Variants in CNTN4 observed in about 807,000 individuals in gnomAD.
CNTN4 encodes contactin-4.
A neutral mutation model predicts 122.5 loss-of-function variants in CNTN4; 77 were observed. The observed-to-expected ratio is 0.63, with a 90% CI of 0.52 to 0.76. The LOEUF (loss-of-function observed/expected upper bound fraction) is 0.76, where lower values mean the gene tolerates loss of function less well. CNTN4 is among the 30% of genes least tolerant of loss of function. CNTN4 has a pLI of 0.00. For missense variants in CNTN4, 1,256 were observed against 1,259.1 expected (o/e 1.00, Z 0.04); for synonymous variants, 512 against 447.0 (o/e 1.15, Z -1.83).
intron 2 of CNTN4, among the ~76,000 whole-genome samples, chr3:2,225,867 G>C (rs757858032): frequency 6.6e-6 from 1 of 152,166 alleles, no homozygotes; most frequent in East Asian, 1.9e-4. Flanking sequence ...CCTTTTAGGG[G>C]ATAGAGTGAC....
intron 12 of CNTN4, among the ~76,000 whole-genome samples, chr3:2,924,108 G>C (rs1053121284): frequency 6.6e-6 from 1 of 151,652 alleles, no homozygotes; most frequent in African/African-American, 2.4e-5. Flanking sequence ...CTTCGCATGA[G>C]AATACCAGCC....
At position 2,733,541 on chromosome 3, in the gene CNTN4, T is replaced by G. The variant is rs6782064; in HGVS notation, c.56-2674T>G. ...TAAAGTGCATGTTTGTGTTTTTTTT[T>G]TTTTTTTTTTGAGACAGAGTCTCAC... On this transcript the variant is annotated intron_variant, in intron 4 of 24. Coordinates refer to ENST00000418658, the MANE Select transcript of CNTN4 (RefSeq NM_175607.3). Among the ~76,000 whole-genome samples, 28 of 145,806 alleles carry G rather than the reference T, an allele frequency of 1.9e-4. 2 individuals carry two copies. Among genetic ancestry groups the G allele is most frequent in the Middle Eastern group, 7.1e-3 (2 of 282 alleles).
intron 2 of CNTN4, among the ~76,000 whole-genome samples, chr3:2,236,862 G>C (rs1175440139): frequency 6.6e-6 from 1 of 152,190 alleles, no homozygotes; most frequent in African/African-American, 2.4e-5. Flanking sequence ...CACATATCAA[G>C]TAGGGAGATA....
At chr3:2,872,024 G>T (rs1022158743) in intron 8 of CNTN4, among the ~76,000 whole-genome samples, 19 of 152,214 alleles carry the variant, frequency 1.2e-4, no homozygotes, top group Admixed American at 2.0e-4. Context: ...AATACATCAT[G>T]GTTATTATTA....
intron 3 of CNTN4, among the ~76,000 whole-genome samples, chr3:2,359,159 G>C (rs2045005217): frequency 6.6e-6 from 1 of 152,126 alleles, no homozygotes; most frequent in Non-Finnish European, 1.5e-5. Context: ...TGATAAAATG[G>C]TAACTTTGTA....
At chr3:2,672,491 G>A (rs112239416) in intron 4 of CNTN4, among the ~76,000 whole-genome samples, 11,157 of 152,198 alleles carry the variant, frequency 0.073, 575 homozygotes, top group African/African-American at 0.14. Flanking sequence ...GGAGTGACCC[G>A]ATTTTCCAGG....
At chr3:3,026,420 T>C (rs1440395450) in intron 15 of CNTN4, 143 bp downstream of exon 15, 1 of 735,458 alleles carries the variant, frequency 1.4e-6, no homozygotes, top group Non-Finnish European at 2.4e-6. Flanking sequence ...TTTTGCACAA[T>C]AAATGTGGCA....
intron 14 of CNTN4, among the ~76,000 whole-genome samples, chr3:3,019,795 T>C (rs781122211): frequency 0.067 from 7,976 of 118,218 alleles, 400 homozygotes; most frequent in Admixed American, 0.11. Flanking sequence ...TATATATATA[T>C]ATACACATGC....
intron 7 of CNTN4, among the ~76,000 whole-genome samples, chr3:2,836,763 T>G (rs2093234037): frequency 7.8e-6 from 1 of 128,590 alleles, no homozygotes; most frequent in Non-Finnish European, 1.6e-5. Context: ...AAAAAGATAC[T>G]TCTGGGGTGG....
chr3:3,029,702 T>C (rs1004084043), intron 15 of CNTN4, among the ~76,000 whole-genome samples: 1 of 152,206 alleles, frequency 6.6e-6, no homozygotes, highest in African/African-American at 2.4e-5. Context: ...ATCCTGGCTC[T>C]GCCATTTTCT....
intron 2 of CNTN4, among the ~76,000 whole-genome samples, chr3:2,288,744 A>C (rs1241206587): frequency 6.6e-6 from 1 of 152,212 alleles, no homozygotes; most frequent in Non-Finnish European, 1.5e-5. Context: ...TAAGAAGAAT[A>C]TGAATCTGGA....
At chr3:2,459,574 C>T (rs1032134503) in intron 3 of CNTN4, among the ~76,000 whole-genome samples, 1 of 151,994 alleles carries the variant, frequency 6.6e-6, no homozygotes, top group Non-Finnish European at 1.5e-5. Context: ...CGTGATATGG[C>T]CAGTTAGACT....
chr3:2,790,363 T>G (rs2091971237), intron 6 of CNTN4, among the ~76,000 whole-genome samples: 1 of 152,214 alleles, frequency 6.6e-6, no homozygotes, highest in Non-Finnish European at 1.5e-5. Context: ...GCTTGCTGCC[T>G]TCCATCAGGT....
chr3:2,436,818 A>T (rs1195001672), intron 3 of CNTN4, among the ~76,000 whole-genome samples: 1 of 149,744 alleles, frequency 6.7e-6, no homozygotes, highest in African/African-American at 2.4e-5. Context: ...TATGAAATAT[A>T]TGTATATATT....
At chr3:2,630,814 A>G (rs1046992617) in intron 4 of CNTN4, among the ~76,000 whole-genome samples, 2 of 152,134 alleles carry the variant, frequency 1.3e-5, no homozygotes, top group South Asian at 2.1e-4. Context: ...ATTTAAAATT[A>G]TGTAAATATT....
At chr3:2,345,090 G>C (rs769359509) in intron 3 of CNTN4, among the ~76,000 whole-genome samples, 5 of 152,180 alleles carry the variant, frequency 3.3e-5, no homozygotes, top group African/African-American at 4.8e-5. Flanking sequence ...TGAGAGAGGA[G>C]TATTAACATG....
chr3:2,396,210 A>G (rs1395849909), intron 3 of CNTN4, among the ~76,000 whole-genome samples: 2 of 151,802 alleles, frequency 1.3e-5, no homozygotes, highest in African/African-American at 4.8e-5. Context: ...ATTTTTGTAG[A>G]GATTAAGTTT....
intron 4 of CNTN4, among the ~76,000 whole-genome samples, chr3:2,605,572 G>A (rs2081223025): frequency 6.6e-6 from 1 of 152,148 alleles, no homozygotes; most frequent in Non-Finnish European, 1.5e-5. Context: ...CAGCTGGGCA[G>A]CTATTGCAGC....
intron 4 of CNTN4, among the ~76,000 whole-genome samples, chr3:2,658,390 A>G (rs2083699362): frequency 6.6e-6 from 1 of 152,166 alleles, no homozygotes; most frequent in Admixed American, 6.6e-5. Flanking sequence ...GGACCCCATC[A>G]TTAGCTGAGC....
Sources: gnomAD v4.1 joint callset for allele counts (sites outside exome capture counted in the v4.1 genomes callset) on GRCh38, gnomAD v4.1.1 for gene constraint, MANE v1.5 for transcripts, NCBI Gene and HGNC (gene_info 2026-07-23, HGNC 2026-07-21) for gene names.